SCN7A: variants seen among roughly 807,000 people sequenced by gnomAD.
SCN7A encodes the protein sodium voltage-gated channel alpha subunit 7.
In SCN7A, 138 loss-of-function variants were observed where a neutral mutation model predicts 155.2. The ratio of observed to expected loss-of-function variants is 0.89; its 90% CI spans 0.77 to 1.02. SCN7A has a LOEUF of 1.02. Ranked by LOEUF, SCN7A falls within the 50% of genes least tolerant of loss-of-function variation. SCN7A has a pLI of 0.00. For synonymous variants in SCN7A, 693 were observed against 649.0 expected, an observed-to-expected ratio of 1.07 and a Z score of -1.03; for missense variants, 2,058 against 1,986.6, an observed-to-expected ratio of 1.04 and a Z score of -0.68.
At chr2:166,474,829 A>G (rs16852169) in intron 3 of SCN7A, among the ~76,000 whole-genome samples, 4,570 of 151,716 alleles carry the variant, frequency 0.03, 233 homozygotes, top group African/African-American at 0.1. Flanking sequence ...TGTCTATGAA[A>G]TAAAACCAAA....
chr2:166,409,470 G>T (rs1054327932), intron 25 of SCN7A, among the ~76,000 whole-genome samples, 195 bp downstream of exon 25: 1 of 151,748 alleles, frequency 6.6e-6, no homozygotes, highest in African/African-American at 2.4e-5. Context: ...TCTCTATTAG[G>T]CATGGGTGGT....
At chr2:166,479,793 AT>A (rs1346361434) in intron 2 of SCN7A, among the ~76,000 whole-genome samples, 1 of 152,094 alleles carries the variant, frequency 6.6e-6, no homozygotes, top group Non-Finnish European at 1.5e-5. Context: ...AGACAGGGAT[AT>A]TTTTGCAATA....
rs776076462 is a variant in SCN7A at position 166,405,834 on chromosome 2, T to C, written c.4795A>G (p.Ile1599Val). The change falls in exon 26 of 26, where the codon ATA becomes GTA. Residue 1599 changes from isoleucine (I) to valine (V), a missense_variant. Physicochemically the swap from Ile to Val is conservative, Grantham distance 29. Coordinates refer to ENST00000643258, the MANE Select transcript of SCN7A (RefSeq NM_002976.4). Reference protein sequence around the residue: ...DVRMEKVVSEIESGFLLANPF... With the variant: ...DVRMEKVVSEVESGFLLANPF... ...TTGGCTAACAAAAACCCTGATTCTA[T>C]TTCTGAAACAACTTTCTCCATCCTC... is the stretch of plus-strand genomic sequence containing the variant. 8 of 1,613,034 alleles carry C rather than the reference T, an allele frequency of 5.0e-6. No homozygotes were observed. The highest frequency in any genetic ancestry group is 3.3e-5 in the Admixed American group (2 of 59,900).
At position 166,456,833 on chromosome 2, in the gene SCN7A, TAG is replaced by T. The variant is rs759087541; in HGVS notation, c.1290+35_1290+36del. ...ATATATATATATATATATATATAGA[TAG>T]ATAGATAGATAGATAGATAGATAGA... On this transcript the variant is annotated intron_variant, in intron 11 of 25. Transcript: ENST00000643258. 429 of 902,730 alleles carry T rather than the reference TAG, an allele frequency of 4.8e-4. 3 individuals are homozygous for T. The East Asian group carries it at 7.9e-3, about 17-fold the overall frequency. The allele number at this position is 902,730 out of a possible 1,614,324, so 55.9% of individuals were successfully genotyped here.
chr2:166,452,552 T>G (rs1702196114), intron 11 of SCN7A, among the ~76,000 whole-genome samples: 1 of 152,196 alleles, frequency 6.6e-6, no homozygotes, highest in African/African-American at 2.4e-5. Flanking sequence ...CAATCATTTT[T>G]TAATTCGTTA....
intron 21 of SCN7A, among the ~76,000 whole-genome samples, chr2:166,414,198 TATTA>T (rs1385530947): frequency 1.0e-5 from 1 of 98,770 alleles, no homozygotes; most frequent in Non-Finnish European, 1.9e-5. Context: ...ATATATAATA[TATTA>T]TATATATGTA....
At chr2:166,462,582 A>T (rs905071513) in intron 9 of SCN7A, 52 bp from the exon 10 acceptor site, 164 of 1,558,788 alleles carry the variant, frequency 1.1e-4, no homozygotes, top group Non-Finnish European at 1.4e-4. Flanking sequence ...CTATCAGATT[A>T]TGGTCAAATC....
rs199888711 is a variant in SCN7A, at chr2:166,472,361, G to A, written c.528C>T (p.Leu176=). Reference sequence around the variant, plus strand: ...AATCGAGCCAGTTCCATGGATCACCGAGGAAGGAAAATGATCCTGCCCAGA... The same window carrying A: ...AATCGAGCCAGTTCCATGGATCACCAAGGAAGGAAAATGATCCTGCCCAGA... ...RGVWAGSFSF[L]GDPWNWLDFS... The change falls in exon 6 of 26, where the codon CTC becomes CTT. Residue 176 remains leucine, a synonymous_variant. Coordinates refer to ENST00000643258, the MANE Select transcript of SCN7A (RefSeq NM_002976.4). 4.8e-4 allele frequency: 768 copies of A among 1,608,428 alleles called. 6 individuals carry two copies. In the South Asian group the frequency reaches 7.0e-3, roughly 15 times the overall value.
At position 166,432,569 on chromosome 2, in the gene SCN7A, C is replaced by T; in HGVS notation, c.2341G>A (p.Val781Ile). 6.2e-7 allele frequency: 1 copy of T among 1,613,444 alleles called. No homozygotes were observed. Among genetic ancestry groups the T allele is most frequent in the Non-Finnish European group, 8.5e-7 (1 of 1,179,556 alleles). The change falls in exon 16 of 26, where the codon GTA becomes ATA. Residue 781 changes from valine to isoleucine, a missense_variant. Coordinates refer to ENST00000643258, the MANE Select transcript of SCN7A (RefSeq NM_002976.4). ...QNVPKDTMDH[V>I]NEVYVKEDIS... is the part of the protein sequence containing the mutation. ...TCTTCTTTAACATATACCTCATTTA[C>T]ATGGTCCATTGTGTCCTTTGGGACA...
At chr2:166,416,566 G>A in intron 21 of SCN7A, 141 bp downstream of exon 21, 1 of 717,098 alleles carries the variant, frequency 1.4e-6, no homozygotes, top group South Asian at 2.0e-5. Flanking sequence ...CCCGATAGTT[G>A]TATGTCCCAT....
chr2:166,481,111 T>C (rs1702916189), intron 2 of SCN7A, among the ~76,000 whole-genome samples: 1 of 152,194 alleles, frequency 6.6e-6, no homozygotes. Flanking sequence ...ATCAACAATT[T>C]AGGTTGTGAT....
intron 18 of SCN7A, among the ~76,000 whole-genome samples, chr2:166,423,865 T>C (rs1303544901): frequency 6.6e-6 from 1 of 152,110 alleles, no homozygotes; most frequent in Non-Finnish European, 1.5e-5. Context: ...AAAATGTCTT[T>C]AGAAATCCAT....
chr2:166,423,277 C>A lies in SCN7A; in HGVS notation c.3009G>T (p.Leu1003=), dbSNP rs1368134184. 6.2e-7 allele frequency: 1 copy of A among 1,602,832 alleles called. No homozygotes were observed. The highest frequency in any genetic ancestry group is 1.3e-5 in the African/African-American group (1 of 74,168). The change falls in exon 19 of 26, where the codon CTG becomes CTT. Residue 1003 remains leucine, a synonymous_variant. Transcript: ENST00000643258. ...TACGTACAATAACAACCACGAAGTC[C>A]AGCCTGTACCAGCCATTAGAGAAAT... ...KAYFSNGWYR[L]DFVVVIVFCL... is the part of the protein sequence containing the mutation.
intron 11 of SCN7A, among the ~76,000 whole-genome samples, chr2:166,453,761 T>C (rs538709877): frequency 6.6e-6 from 1 of 152,288 alleles, no homozygotes; most frequent in Non-Finnish European, 1.5e-5. Flanking sequence ...ATGAAGCACC[T>C]AAGCAATATC....
intron 21 of SCN7A, among the ~76,000 whole-genome samples, chr2:166,414,115 A>C (rs1420159172): frequency 3.4e-5 from 3 of 87,724 alleles, no homozygotes; most frequent in East Asian, 5.3e-4. Flanking sequence ...ATATATAAAT[A>C]TATATAATAT....
At chr2:166,432,845 A>T in intron 15 of SCN7A, 93 bp from the exon 16 acceptor site, 1 of 825,992 alleles carries the variant, frequency 1.2e-6, no homozygotes, top group African/African-American at 1.7e-5. Context: ...GAGAACATTT[A>T]ATATCTACTC....
At position 166,406,253 on chromosome 2, in the gene SCN7A, C is replaced by A. The variant is rs767699015; in HGVS notation, c.4376G>T (p.Gly1459Val). The A allele has an allele frequency of 3.1e-6, 5 of 1,612,972 alleles. No homozygotes were observed. The South Asian group carries it at 5.5e-5, about 18-fold the overall frequency. Reference protein sequence around the residue: ...SDCDPDKINPGTQVRGDCGNP... With the variant: ...SDCDPDKINPVTQVRGDCGNP... ...CCCACAATCTCCTCTAACTTGAGTCCCAGGGTTAATTTTATCAGGATCACA... is the reference window on the plus strand; with the variant it reads ...CCCACAATCTCCTCTAACTTGAGTCACAGGGTTAATTTTATCAGGATCACA... The change falls in exon 26 of 26, where the codon GGG (glycine) becomes GTG (valine). Residue 1459 changes from glycine to valine, a missense_variant. By Grantham distance (109) the Gly-to-Val change is moderately radical (BLOSUM62 -3). Transcript: ENST00000643258.
intron 12 of SCN7A, among the ~76,000 whole-genome samples, chr2:166,447,128 G>T (rs2105445188): frequency 6.6e-6 from 1 of 152,286 alleles, no homozygotes; most frequent in Non-Finnish European, 1.5e-5. Context: ...AAAAGAAAAT[G>T]AAGCGAACGT....
At chr2:166,436,416 T>G (rs1286233446) in intron 15 of SCN7A, 1 of 442,882 alleles carries the variant, frequency 2.3e-6, no homozygotes, top group African/African-American at 2.0e-5. Context: ...ACCGTGATTG[T>G]AAGTTTCCTG....
Sources: gnomAD v4.1 joint callset for allele counts (sites outside exome capture counted in the v4.1 genomes callset) on GRCh38, gnomAD v4.1.1 for gene constraint, MANE v1.5 for transcripts, NCBI Gene and HGNC (gene_info 2026-07-23, HGNC 2026-07-21) for gene names.